SPAG6: variants seen among roughly 807,000 people sequenced by gnomAD.
The protein encoded by SPAG6 is sperm-associated antigen 6.
Under a neutral mutation model 58.5 loss-of-function variants are expected in SPAG6, and 49 were observed. The ratio of observed to expected loss-of-function variants is 0.84; its 90% confidence interval spans 0.67 to 1.06. SPAG6 has a LOEUF of 1.06. SPAG6 is among the 50% of genes least tolerant of loss of function. The pLI is 0.00. For synonymous variants in SPAG6, 233 were observed against 225.6 expected (o/e 1.03, Z -0.29); for missense variants, 560 against 611.3 (o/e 0.92, Z 0.89).
chr10:22,353,963 T>C lies in SPAG6; in HGVS notation c.121+8145T>C, dbSNP rs371152791. Among the ~76,000 whole-genome samples, 18 of 152,228 alleles carry C rather than the reference T, an allele frequency of 1.2e-4. No individual in the cohort carries two copies. In the South Asian group the frequency reaches 2.5e-3, roughly 21 times the overall value. On this transcript the variant is annotated intron_variant, in intron 2 of 10. Coordinates refer to ENST00000376624, the MANE Select transcript of SPAG6 (RefSeq NM_012443.4). ...AGGTGGTACTCATGGAAAAGGCCAATGTTTAGTTATGACTGGAGCTCAGGG... is the reference window on the plus strand; with the variant it reads ...AGGTGGTACTCATGGAAAAGGCCAACGTTTAGTTATGACTGGAGCTCAGGG...
intron 8 of SPAG6, among the ~76,000 whole-genome samples, chr10:22,400,727 G>A (rs1001759686): frequency 6.6e-6 from 1 of 151,952 alleles, no homozygotes; most frequent in African/African-American, 2.4e-5. Flanking sequence ...ATGAAGTCAT[G>A]GAGAATATAG....
At chr10:22,346,284 G>A (rs1320870438) in intron 2 of SPAG6, among the ~76,000 whole-genome samples, 1 of 152,086 alleles carries the variant, frequency 6.6e-6, no homozygotes, top group Non-Finnish European at 1.5e-5. Flanking sequence ...ATTCCAAGTA[G>A]GTAGAGACCA....
chr10:22,348,268 C>G (rs1038112559), intron 2 of SPAG6, among the ~76,000 whole-genome samples: 1 of 152,116 alleles, frequency 6.6e-6, no homozygotes, highest in African/African-American at 2.4e-5. Flanking sequence ...GGATTGCGCC[C>G]GGCCAGTTTT....
intron 2 of SPAG6, among the ~76,000 whole-genome samples, chr10:22,347,927 C>A (rs1339637519): frequency 1.3e-5 from 2 of 152,158 alleles, no homozygotes; most frequent in Non-Finnish European, 2.9e-5. Flanking sequence ...TAAATACAGA[C>A]ATAATGAATA....
At chr10:22,382,446 C>T (rs898651540) in intron 4 of SPAG6, among the ~76,000 whole-genome samples, 1 of 151,982 alleles carries the variant, frequency 6.6e-6, no homozygotes, top group Admixed American at 6.6e-5. Context: ...ATAAATAACC[C>T]CTAATGTTTA....
intron 10 of SPAG6, among the ~76,000 whole-genome samples, chr10:22,415,950 T>C (rs1834856396): frequency 6.6e-6 from 1 of 152,180 alleles, no homozygotes; most frequent in Non-Finnish European, 1.5e-5. Flanking sequence ...TTAATACTTT[T>C]ATACTAAATC....
chr10:22,402,902 T>C (rs1221271344), intron 9 of SPAG6, among the ~76,000 whole-genome samples: 1 of 152,192 alleles, frequency 6.6e-6, no homozygotes, highest in Non-Finnish European at 1.5e-5. Flanking sequence ...AACTGGGTAA[T>C]TGACATTATT....
Position 22,345,907 on chromosome 10 carries a change from G to T in SPAG6, c.121+89G>T. ...CTGCCCTGCCCGTGGAGCTCTTGGG[G>T]AGCCGCAGTGTGGGGACCGGAGTTC... On this transcript the variant is annotated intron_variant, in intron 2 of 10. Transcript: ENST00000376624. The surrounding 1 kb of genome is among the most constrained non-coding windows in gnomAD (Gnocchi z 6.3). 2 of 1,576,786 alleles carry T rather than the reference G, an allele frequency of 1.3e-6. No individual in the cohort carries two copies. Among genetic ancestry groups the T allele is most frequent in the South Asian group, 1.2e-5 (1 of 86,700 alleles).
chr10:22,393,514 C>G (rs538158902), intron 8 of SPAG6, among the ~76,000 whole-genome samples: 1 of 152,228 alleles, frequency 6.6e-6, no homozygotes, highest in South Asian at 2.1e-4. Context: ...TTGAAAACTT[C>G]ACTTTTTGAA....
chr10:22,394,098 T>C (rs1453513455), intron 8 of SPAG6, among the ~76,000 whole-genome samples: 2 of 152,218 alleles, frequency 1.3e-5, no homozygotes, highest in Non-Finnish European at 2.9e-5. Context: ...ACTTATCTTT[T>C]TATTATTGAA....
In SPAG6 at chr10:22,368,567, A is replaced by G. The variant is rs746110910; in HGVS notation, c.361A>G (p.Ile121Val). The change falls in exon 4 of 11, where the codon ATA (isoleucine) becomes GTA (valine). Residue 121 changes from isoleucine (I) to valine (V), a missense_variant. Coordinates refer to ENST00000376624, the MANE Select transcript of SPAG6 (RefSeq NM_012443.4). ...GKHSPQLAQA[I>V]VDCGALDTLV... is the part of the protein sequence containing the mutation. ...ACATTCTCCCCAGCTAGCTCAGGCA[A>G]TAGTCGATTGTGGAGCACTGGATAC... 6.2e-6 allele frequency: 10 copies of G among 1,613,950 alleles called. No homozygotes were observed. The highest frequency in any genetic ancestry group is 5.3e-5 in the African/African-American group (4 of 75,006).
At chr10:22,361,341 T>A (rs1269089759) in intron 2 of SPAG6, 1 of 152,578 alleles carries the variant, frequency 6.6e-6, no homozygotes, top group Non-Finnish European at 1.5e-5. Context: ...AGTCATTTTA[T>A]TGGCCTTATA....
intron 2 of SPAG6, chr10:22,361,169 T>A: frequency 4.0e-6 from 1 of 248,674 alleles, no homozygotes; most frequent in Non-Finnish European, 7.6e-6. Flanking sequence ...AATGGACACT[T>A]TAGCTTTTAT....
chr10:22,407,610 T>C (rs1306035042), intron 9 of SPAG6, among the ~76,000 whole-genome samples: 1 of 151,906 alleles, frequency 6.6e-6, no homozygotes, highest in Non-Finnish European at 1.5e-5. Context: ...CTGACAATTA[T>C]GTGTCTTGGA....
At chr10:22,388,113 T>G in intron 6 of SPAG6, 117 bp downstream of exon 6, 2 of 793,382 alleles carry the variant, frequency 2.5e-6, no homozygotes, top group Non-Finnish European at 3.9e-6. Flanking sequence ...TGAGTCAGGA[T>G]TTCTCGTCTT....
chr10:22,411,116 G>T lies in SPAG6; in HGVS notation c.1400G>T (p.Gly467Val), dbSNP rs1316504083. ...GTTCAAGAGATAAAAGCAGAACCTG[G>T]TTCTCTCCTTCAAGAATACATCAAC... Reference protein sequence around the residue: ...KKVQEIKAEPGSLLQEYINSI... With the variant: ...KKVQEIKAEPVSLLQEYINSI... Residue 467 changes from glycine (G) to valine (V), a missense_variant, in exon 10 of 11, where the codon GGT (glycine) becomes GTT (valine). By Grantham distance (109) the Gly-to-Val change is moderately radical. Coordinates refer to ENST00000376624, the MANE Select transcript of SPAG6 (RefSeq NM_012443.4). 6.8e-6 allele frequency: 11 copies of T among 1,613,868 alleles called. No homozygotes were observed. In the Admixed American group the frequency reaches 1.0e-4, roughly 15 times the overall value.
intron 3 of SPAG6, among the ~76,000 whole-genome samples, chr10:22,368,189 G>C (rs547173209): frequency 6.6e-6 from 1 of 152,126 alleles, no homozygotes; most frequent in Admixed American, 6.5e-5. Flanking sequence ...ATAAAATCTC[G>C]TTATTTTATG....
rs956054491 is a variant in SPAG6 at position 22,417,260 on chromosome 10, A to T, written c.*572A>T. 6.6e-6 allele frequency: 1 copy of T among 152,300 alleles called. No individual in the cohort carries two copies. Among genetic ancestry groups the T allele is most frequent in the Non-Finnish European group, 1.5e-5 (1 of 68,102 alleles). 9.4% of individuals were successfully genotyped at this position (152,300 alleles called of 1,614,324 possible). On this transcript the variant is annotated 3_prime_UTR_variant, in exon 11 of 11. Coordinates refer to ENST00000376624, the MANE Select transcript of SPAG6 (RefSeq NM_012443.4). ...ATTTAGGAAAAATTTACTCCTCTTT[A>T]TCACAAGTTTTCCAAACCTCCTTCC... is the stretch of plus-strand genomic sequence containing the variant.
At chr10:22,354,138 T>A (rs144091525) in intron 2 of SPAG6, among the ~76,000 whole-genome samples, 9 of 152,304 alleles carry the variant, frequency 5.9e-5, no homozygotes, top group African/African-American at 2.2e-4. Flanking sequence ...CCACTTTGTG[T>A]TTTAGAAAGG....
Sources: allele counts gnomAD v4.1 joint callset (sites outside exome capture counted in the v4.1 genomes callset), GRCh38; gene constraint gnomAD v4.1.1; non-coding constraint Gnocchi (gnomAD v3.1); transcripts MANE v1.5; gene names NCBI Gene and HGNC (gene_info 2026-07-23, HGNC 2026-07-21).